Variants in TACC3 observed in about 807,000 individuals in gnomAD.
TACC3 encodes the protein transforming acidic coiled-coil containing protein 3.
In TACC3, 52 loss-of-function variants were observed where a neutral mutation model predicts 86.0. That is an observed-to-expected ratio of 0.60 (90% confidence interval 0.48 to 0.76). The LOEUF is 0.76. Among genes scored for constraint, TACC3 ranks in the 30% least tolerant of loss-of-function variants. The probability of loss-of-function intolerance (pLI) is 0.00; values close to 1 mark genes in which losing one functional copy is unlikely to be tolerated. For synonymous variants in TACC3, 512 were observed against 430.0 expected, an observed-to-expected ratio of 1.19 and a Z score of -2.36; for missense variants, 1,120 against 1,070.4, an observed-to-expected ratio of 1.05 and a Z score of -0.65.
chr4:1,731,249 G>A lies in TACC3; in HGVS notation c.1539G>A (p.Gln513=). Residue 513 remains glutamine (Q), a synonymous_variant, in exon 6 of 16, where the codon CAG becomes CAA. Transcript: ENST00000313288. The stretch of plus-strand genomic sequence containing the variant: ...GTGAGCCAGTGCCCACCCATCAGCA[G>A]GGGCAGCCTGCCTTGGAGCTGAAAG... ...PGSEPVPTHQ[Q]GQPALELKEE... 6.2e-7 allele frequency: 1 copy of A among 1,613,384 alleles called. No individual in the cohort carries two copies. Among genetic ancestry groups the A allele is most frequent in the Non-Finnish European group, 8.5e-7 (1 of 1,180,012 alleles).
chr4:1,726,268 C>T (rs1265447925), intron 3 of TACC3, among the ~76,000 whole-genome samples: 3 of 152,218 alleles, frequency 2.0e-5, no homozygotes, highest in Non-Finnish European at 2.9e-5. Context: ...AGGGAGGCGT[C>T]GCAGAGGCCA....
rs3816353 is a variant in TACC3 at position 1,737,484 on chromosome 4, C to G, written c.1837-114C>G. On this transcript the variant is annotated intron_variant, in intron 9 of 15. Coordinates refer to ENST00000313288, the MANE Select transcript of TACC3 (RefSeq NM_006342.3). Reference sequence around the variant, plus strand: ...GTTCCCTCGCCGCACTGTCTCGGGTCCCTCATGCACTGTCTGAGGCTCTTG... The same window carrying G: ...GTTCCCTCGCCGCACTGTCTCGGGTGCCTCATGCACTGTCTGAGGCTCTTG... 1.1e-4 allele frequency: 117 copies of G among 1,088,406 alleles called. No individual in the cohort carries two copies. In the East Asian group the frequency reaches 2.9e-3, roughly 27 times the overall value. The allele number at this position is 1,088,406 out of a possible 1,614,324, so 67.4% of individuals were successfully genotyped here. A position where few individuals can be genotyped will look rare whatever the true frequency, so the allele number is the denominator to read the frequency against.
chr4:1,743,855 A>G (rs985097684), intron 13 of TACC3, among the ~76,000 whole-genome samples: 1 of 152,202 alleles, frequency 6.6e-6, no homozygotes, highest in Non-Finnish European at 1.5e-5. Context: ...GCAGGACATC[A>G]GGGGCTGCAT....
chr4:1,723,535 G>A lies in TACC3; in HGVS notation c.114G>A (p.Val38=), dbSNP rs763301386. The part of the protein sequence containing the change: ...EVTGRSSVLR[V]SQKENVPPKN... Reference sequence around the variant, plus strand: ...CCGGAAGATCGTCTGTTCTTCGTGTGTCACAGAAAGAAAATGTGCCACCCA... The same window carrying A: ...CCGGAAGATCGTCTGTTCTTCGTGTATCACAGAAAGAAAATGTGCCACCCA... Residue 38 remains valine, a synonymous_variant, in exon 2 of 16, where the codon GTG becomes GTA. Coordinates refer to ENST00000313288, the MANE Select transcript of TACC3 (RefSeq NM_006342.3). 3.7e-6 allele frequency: 6 copies of A among 1,613,630 alleles called. No individual in the cohort carries two copies. Among genetic ancestry groups the A allele is most frequent in the Non-Finnish European group, 5.1e-6 (6 of 1,179,964 alleles).
intron 10 of TACC3, chr4:1,739,199 T>G (rs1251203296): frequency 6.5e-6 from 1 of 154,062 alleles, no homozygotes; most frequent in Non-Finnish European, 1.4e-5. Flanking sequence ...TCCCACCTAC[T>G]CGGGAGGCCG....
intron 4 of TACC3, 154 bp from the exon 5 acceptor site, chr4:1,730,733 C>T: frequency 1.1e-6 from 1 of 908,892 alleles, no homozygotes; most frequent in East Asian, 2.5e-5. Flanking sequence ...GGCCAGGTCG[C>T]TTGGGACAGC....
intron 3 of TACC3, among the ~76,000 whole-genome samples, chr4:1,727,136 A>AC (rs1278605219): frequency 2.0e-5 from 3 of 151,964 alleles, no homozygotes; most frequent in Admixed American, 6.6e-5. Context: ...GTCTCAAAAA[A>AC]AAAAAACATA....
In TACC3 at chr4:1,723,959, C is replaced by G. The variant is rs1033098670; in HGVS notation, c.305+89C>G. 5.6e-6 allele frequency: 8 copies of G among 1,440,856 alleles called. No individual in the cohort carries two copies. In the African/African-American group the frequency reaches 1.1e-4, roughly 20 times the overall value. The allele number at this position is 1,440,856 out of a possible 1,614,324, so 89.3% of individuals were successfully genotyped here. On this transcript the variant is annotated intron_variant, in intron 3 of 15. Coordinates refer to ENST00000313288, the MANE Select transcript of TACC3 (RefSeq NM_006342.3). ...AAAGTGCTGTCTTGTTCTATCAGGC[C>G]TTGGCTGGATTTTTTGTTTGTTTGT...
chr4:1,735,402 C>A lies in TACC3; in HGVS notation c.1644+77C>A. 6.4e-7 allele frequency: 1 copy of A among 1,556,430 alleles called. No homozygotes were observed. Among genetic ancestry groups the A allele is most frequent in the Non-Finnish European group, 8.9e-7 (1 of 1,129,456 alleles). The stretch of plus-strand genomic sequence containing the variant: ...GCCACGGCAGGTCTTGCCCCCGGAG[C>A]GTCCCTTGGTGCCCACGTCCCCCCA... On this transcript the variant is annotated intron_variant, in intron 7 of 15. Coordinates refer to ENST00000313288, the MANE Select transcript of TACC3 (RefSeq NM_006342.3). This position sits in a 1 kb window ranked among gnomAD's most constrained non-coding sequence, Gnocchi z 4.2.
chr4:1,726,485 G>A lies in TACC3; in HGVS notation c.306-1223G>A, dbSNP rs1300782079. ...GGACTGATCTGTTGGGCATGTCCTCGGGTGAGGTTTAAGCCACAGGACAAT... is the reference window on the plus strand; with the variant it reads ...GGACTGATCTGTTGGGCATGTCCTCAGGTGAGGTTTAAGCCACAGGACAAT... On this transcript the variant is annotated intron_variant, in intron 3 of 15. Transcript: ENST00000313288. Among the ~76,000 whole-genome samples the A allele has an allele frequency of 3.9e-5, 6 of 152,202 alleles. No individual in the cohort carries two copies. In the East Asian group the frequency reaches 7.7e-4, roughly 19 times the overall value.
At position 1,740,834 on chromosome 4, in the gene TACC3, C is replaced by G. The variant is rs760326047; in HGVS notation, c.2071C>G (p.Gln691Glu). ...GCTTTTCTTTTCTCAAGAGGAAGTT[C>G]AGAAGCAGAAGGAACTTTCCAAAGC... Reference protein sequence around the residue: ...EVVYQAMEEVQKQKELSKAEI... With the variant: ...EVVYQAMEEVEKQKELSKAEI... Residue 691 changes from glutamine to glutamate, a missense_variant, in exon 13 of 16, where the codon CAG (glutamine) becomes GAG (glutamate). Transcript: ENST00000313288. The G allele has an allele frequency of 3.1e-6, 5 of 1,604,814 alleles. No individual in the cohort carries two copies. The South Asian group carries it at 3.4e-5, about 11-fold the overall frequency.
chr4:1,727,082 G>C (rs1717724205), intron 3 of TACC3, among the ~76,000 whole-genome samples: 2 of 151,496 alleles, frequency 1.3e-5, no homozygotes, highest in Non-Finnish European at 2.9e-5. Context: ...AGTGAGCCGA[G>C]ATCATGCCAT....
Position 1,745,169 on chromosome 4 carries a change from A to T in TACC3, c.*156A>T. 1.2e-6 allele frequency: 1 copy of T among 847,928 alleles called. No homozygotes were observed. Among genetic ancestry groups the T allele is most frequent in the Admixed American group, 2.7e-5 (1 of 37,088 alleles). The allele number at this position is 847,928 out of a possible 1,614,324, so 52.5% of individuals were successfully genotyped here. ...CTCAATAAAAGTTTCCTTTCAATTT[A>T]AACACTGAAGCCGCTCTGGTCTTGA... On this transcript the variant is annotated 3_prime_UTR_variant, in exon 16 of 16. Coordinates refer to ENST00000313288, the MANE Select transcript of TACC3 (RefSeq NM_006342.3).
At chr4:1,732,562 T>G (rs1718057194) in intron 6 of TACC3, among the ~76,000 whole-genome samples, 1 of 102,510 alleles carries the variant, frequency 9.8e-6, no homozygotes, top group Non-Finnish European at 2.3e-5. Flanking sequence ...GTATAAGATC[T>G]CAATTTAGAG....
At chr4:1,723,337 C>A in intron 1 of TACC3, 84 bp from the exon 2 acceptor site, 1 of 1,434,326 alleles carries the variant, frequency 7.0e-7, no homozygotes, top group East Asian at 2.3e-5. Flanking sequence ...GTGGTCGTGC[C>A]CCTTGCAGCA....
Position 1,735,672 on chromosome 4 carries a change from G to C in TACC3, c.1645-59G>C. 1 of 1,291,872 alleles carries C rather than the reference G, an allele frequency of 7.7e-7. No homozygotes were observed. The highest frequency in any genetic ancestry group is 1.1e-6 in the Non-Finnish European group (1 of 921,344). The allele number at this position is 1,291,872 out of a possible 1,614,324, so 80.0% of individuals were successfully genotyped here. A position where few individuals can be genotyped will look rare whatever the true frequency, so the allele number is the denominator to read the frequency against. On this transcript the variant is annotated intron_variant, in intron 7 of 15. Transcript: ENST00000313288. The surrounding 1 kb of genome is among the most constrained non-coding windows in gnomAD (Gnocchi z 4.2). Reference sequence around the variant, plus strand: ...GTGCAGGTGACCTCCCTGGCCCTTAGCCCCCGTGTGTGTTAGGGGATGGCA... The same window carrying C: ...GTGCAGGTGACCTCCCTGGCCCTTACCCCCCGTGTGTGTTAGGGGATGGCA...
intron 2 of TACC3, 22 bp downstream of exon 2, chr4:1,723,605 T>G (rs1284378429): frequency 6.2e-7 from 1 of 1,610,118 alleles, no homozygotes; most frequent in East Asian, 2.2e-5. Context: ...CTGTACAGTG[T>G]GTGGCTGGCC....
intron 4 of TACC3, 60 bp downstream of exon 4, chr4:1,728,847 G>C (rs905548344): frequency 6.7e-7 from 1 of 1,492,312 alleles, no homozygotes; most frequent in African/African-American, 1.4e-5. Flanking sequence ...AGTGTATGTG[G>C]TCCAGGACCC....
intron 3 of TACC3, among the ~76,000 whole-genome samples, 155 bp downstream of exon 3, chr4:1,724,025 G>A (rs1365230459): frequency 6.6e-6 from 1 of 152,076 alleles, no homozygotes; most frequent in Admixed American, 6.5e-5. Context: ...CTGGAGTGCA[G>A]TGGCGCGATG....
Sources: gnomAD v4.1 joint callset for allele counts (sites outside exome capture counted in the v4.1 genomes callset) on GRCh38, gnomAD v4.1.1 for gene constraint, Gnocchi (gnomAD v3.1) non-coding constraint, MANE v1.5 for transcripts, NCBI Gene and HGNC (gene_info 2026-07-23, HGNC 2026-07-21) for gene names.